LGALS8: variants seen among roughly 807,000 people sequenced by gnomAD.
LGALS8 encodes the protein galectin-8.
A neutral mutation model predicts 35.9 loss-of-function variants in LGALS8; 30 were observed. The ratio of observed to expected loss-of-function variants is 0.83; its 90% CI spans 0.62 to 1.13. The LOEUF (loss-of-function observed/expected upper bound fraction) is 1.13, where lower values mean the gene tolerates loss of function less well. Ranked by LOEUF, LGALS8 falls within the 50% of genes most tolerant of loss-of-function variation. The probability of loss-of-function intolerance (pLI) is 0.00; values close to 1 mark genes in which losing one functional copy is unlikely to be tolerated. For missense variants in LGALS8, 366 were observed against 388.7 expected (o/e 0.94, Z 0.49); for synonymous variants, 138 against 136.1 (o/e 1.01, Z -0.10).
At chr1:236,524,456 G>T in intron 1 of LGALS8, 1 of 456,562 alleles carries the variant, frequency 2.2e-6, no homozygotes, top group South Asian at 1.5e-5. Context: ...ATCTGGGGAA[G>T]TTTCCTTCCC....
intron 2 of LGALS8, among the ~76,000 whole-genome samples, chr1:236,534,323 A>G (rs1661332515): frequency 6.6e-6 from 1 of 152,194 alleles, no homozygotes; most frequent in Admixed American, 6.5e-5. Context: ...CAGTCTGCCT[A>G]ATAGAGAGCC....
At chr1:236,545,774 T>TG (rs11440442) in intron 9 of LGALS8, among the ~76,000 whole-genome samples, 92,797 of 151,914 alleles carry the variant, frequency 0.61, 29,240 homozygotes, top group Non-Finnish European at 0.69. Context: ...GAAGGTTCCC[T>TG]GAAGTTGTGG....
intron 8 of LGALS8, among the ~76,000 whole-genome samples, chr1:236,543,950 CTT>C (rs67516195): frequency 0.078 from 11,467 of 147,474 alleles, 788 homozygotes; most frequent in African/African-American, 0.19. Context: ...AACATCTTTT[CTT>C]TTTTTTTTTT....
chr1:236,543,683 A>ACTTC (rs781700573), intron 8 of LGALS8, 35 bp downstream of exon 8: 46 of 1,482,248 alleles, frequency 3.1e-5, no homozygotes, highest in Non-Finnish European at 4.2e-5. Context: ...CAGTGCAGAT[A>ACTTC]CTTCCGTGCC....
intron 2 of LGALS8, among the ~76,000 whole-genome samples, chr1:236,533,918 A>AGCTCCCTCTGACCCTGGATGCG (rs1661300468): frequency 2.1e-5 from 1 of 46,774 alleles, no homozygotes; most frequent in Non-Finnish European, 6.8e-5. Context: ...CCCCAGATGT[A>AGCTCCCTCTGACCCTGGATGCG]GCTCCCTCTG....
At chr1:236,547,899 C>A in intron 9 of LGALS8, 113 bp from the exon 10 acceptor site, 1 of 920,836 alleles carries the variant, frequency 1.1e-6, no homozygotes, top group Admixed American at 2.2e-5. Flanking sequence ...CAGCAGCAGG[C>A]TGGAACTTTT....
intron 2 of LGALS8, chr1:236,536,332 G>T (rs35479351): frequency 0.016 from 2,371 of 152,400 alleles, 15 homozygotes; most frequent in Middle Eastern, 0.077. Flanking sequence ...GAGGCAGATG[G>T]TTGTGATGCA....
chr1:236,521,092 C>T (rs969139688), upstream of LGALS8, among the ~76,000 whole-genome samples: 2 of 152,106 alleles, frequency 1.3e-5, no homozygotes, highest in Admixed American at 6.5e-5. Context: ...TAAGCTTCCT[C>T]GAAACAAGAA....
intron 2 of LGALS8, among the ~76,000 whole-genome samples, chr1:236,533,339 C>CTT (rs139389436): frequency 0.29 from 43,209 of 148,804 alleles, 6,504 homozygotes; most frequent in South Asian, 0.45. Context: ...CTCCCCCACC[C>CTT]TTTTTTTTTT....
At position 236,535,382 on chromosome 1, in the gene LGALS8, AGTGT is replaced by A. The variant is rs1300993928; in HGVS notation, c.46-2112_46-2109del. Among the ~76,000 whole-genome samples, 3 of 152,000 alleles carry A rather than the reference AGTGT, an allele frequency of 2.0e-5. No homozygotes were observed. In the East Asian group the frequency reaches 5.8e-4, roughly 29 times the overall value. ...TATGGCATATTTTGATACAGGATAC[AGTGT>A]GTATTAGCAAGGTTTTCTTTTTAAT... On this transcript the variant is annotated intron_variant, in intron 2 of 9. Transcript: ENST00000366584.
At chr1:236,533,535 C>G (rs966423478) in intron 2 of LGALS8, among the ~76,000 whole-genome samples, 1 of 151,952 alleles carries the variant, frequency 6.6e-6, no homozygotes, top group Non-Finnish European at 1.5e-5. Context: ...GGTTTCTCCA[C>G]GTTGGTCAGG....
chr1:236,528,546 ATTTTTT>A (rs61261486), intron 2 of LGALS8, among the ~76,000 whole-genome samples: 4 of 104,234 alleles, frequency 3.8e-5, no homozygotes, highest in Non-Finnish European at 5.4e-5. Flanking sequence ...AATGTTTCCA[ATTTTTT>A]TTTTTTTTTT....
At position 236,526,731 on chromosome 1, in the gene LGALS8, G is replaced by A. The variant is rs571044451; in HGVS notation, c.45+616G>A. On this transcript the variant is annotated intron_variant, in intron 2 of 9. Transcript: ENST00000366584. The surrounding 1 kb of genome is among the most constrained non-coding windows in gnomAD (Gnocchi z 4.6). ...ATCTTTAGGAATGTCTAGTTTCCAC[G>A]TATCTGAAGCTGAATCCTGAATCGA... 1.3e-5 allele frequency among the ~76,000 whole-genome samples: 2 copies of A among 152,274 alleles called. No individual in the cohort carries two copies. The highest frequency in any genetic ancestry group is 2.1e-4 in the South Asian group (1 of 4,826).
At chr1:236,545,724 C>CCCT (rs1382258178) in intron 9 of LGALS8, among the ~76,000 whole-genome samples, 1 of 152,166 alleles carries the variant, frequency 6.6e-6, no homozygotes, top group African/African-American at 2.4e-5. Context: ...TAATGCAGTG[C>CCCT]CCTGGTATGT....
chr1:236,530,138 A>G (rs1661066780), intron 2 of LGALS8, among the ~76,000 whole-genome samples: 1 of 152,250 alleles, frequency 6.6e-6, no homozygotes, highest in African/African-American at 2.4e-5. Context: ...GAAATCATTT[A>G]GAAATGAAAC....
chr1:236,540,482 C>T, intron 4 of LGALS8, 82 bp from the exon 5 acceptor site: 2 of 1,422,346 alleles, frequency 1.4e-6, no homozygotes, highest in Non-Finnish European at 9.3e-7. Context: ...CGCAAGGAAA[C>T]ATTTAAATTT....
intron 4 of LGALS8, among the ~76,000 whole-genome samples, chr1:236,539,907 A>G (rs1399110433): frequency 6.6e-6 from 1 of 152,082 alleles, no homozygotes; most frequent in East Asian, 1.9e-4. Context: ...CCTGAGTCAG[A>G]GACTATATTG....
Position 236,526,152 on chromosome 1 carries a change from C to T in LGALS8, c.45+37C>T. 7.2e-7 allele frequency: 1 copy of T among 1,386,216 alleles called. No homozygotes were observed. Among genetic ancestry groups the T allele is most frequent in the Non-Finnish European group, 1.0e-6 (1 of 975,510 alleles). The allele number at this position is 1,386,216 out of a possible 1,614,324, so 85.9% of individuals were successfully genotyped here. On this transcript the variant is annotated intron_variant, in intron 2 of 9. Transcript: ENST00000366584. This position sits in a 1 kb window ranked among gnomAD's most constrained non-coding sequence, Gnocchi z 4.6. The stretch of plus-strand genomic sequence containing the variant: ...CTATAAGATAACTTTTTACCTATGC[C>T]AGGACAGATCCAATAGAATATTAAT...
intron 9 of LGALS8, among the ~76,000 whole-genome samples, chr1:236,545,868 AG>A (rs1216771629): frequency 6.6e-6 from 1 of 152,162 alleles, no homozygotes; most frequent in Admixed American, 6.5e-5. Flanking sequence ...GATTTGAACA[AG>A]TCCTTAGAGG....
Sources: gnomAD v4.1 joint callset for allele counts (sites outside exome capture counted in the v4.1 genomes callset) on GRCh38, gnomAD v4.1.1 for gene constraint, Gnocchi (gnomAD v3.1) non-coding constraint, MANE v1.5 for transcripts, NCBI Gene and HGNC (gene_info 2026-07-23, HGNC 2026-07-21) for gene names.